The following NRCAM variants were observed in gnomAD, a reference collection of about 807,000 sequenced individuals.
The protein encoded by NRCAM is NgCAM-related cell adhesion molecule.
Under a neutral mutation model 156.5 loss-of-function variants are expected in NRCAM, and 83 were observed. That is an observed-to-expected ratio of 0.53 (90% CI 0.44 to 0.64). The LOEUF is 0.64. Among genes scored for constraint, NRCAM ranks in the 30% least tolerant of loss-of-function variants. The probability of loss-of-function intolerance (pLI) is 0.00; values close to 1 mark genes in which losing one functional copy is unlikely to be tolerated. For synonymous variants in NRCAM, 538 were observed against 563.9 expected, an observed-to-expected ratio of 0.95 and a Z score of 0.65; for missense variants, 1,417 against 1,597.3, an observed-to-expected ratio of 0.89 and a Z score of 1.92.
At chr7:108,153,206 T>A (rs1399920510) in intron 32 of NRCAM, among the ~76,000 whole-genome samples, 1 of 152,094 alleles carries the variant, frequency 6.6e-6, no homozygotes, top group Non-Finnish European at 1.5e-5. Context: ...AAACAAACCA[T>A]GACCAAACCA....
At chr7:108,445,478 G>A (rs1471105262) in intron 1 of NRCAM, among the ~76,000 whole-genome samples, 2 of 152,242 alleles carry the variant, frequency 1.3e-5, no homozygotes, top group African/African-American at 4.8e-5. Context: ...ACATACGTAT[G>A]CCTCAAGCAT....
chr7:108,299,853 C>T (rs978621208), intron 3 of NRCAM, among the ~76,000 whole-genome samples: 3 of 152,180 alleles, frequency 2.0e-5, no homozygotes, highest in Admixed American at 2.0e-4. Context: ...TGGAATTAGA[C>T]TGCCTTGGTT....
chr7:108,425,156 T>A (rs1815487563), intron 1 of NRCAM, among the ~76,000 whole-genome samples: 1 of 152,190 alleles, frequency 6.6e-6, no homozygotes, highest in Admixed American at 6.5e-5. Context: ...TCAGATTTTT[T>A]AAAAGATTAT....
rs1015776434 is a variant in NRCAM at position 108,148,087 on chromosome 7, A to G, written c.*1823T>C. The G allele has an allele frequency of 6.6e-6, 1 of 152,646 alleles. No homozygotes were observed. The highest frequency in any genetic ancestry group is 1.5e-5 in the Non-Finnish European group (1 of 68,042). 9.5% of individuals were successfully genotyped at this position (152,646 alleles called of 1,614,324 possible). On this transcript the variant is annotated 3_prime_UTR_variant, in exon 33 of 33. Transcript: ENST00000379028. ...ACTTTAAATTATGCTTTACCTACATATATCAAACATGCCAGGTTACTAGGC... is the reference window on the plus strand; with the variant it reads ...ACTTTAAATTATGCTTTACCTACATGTATCAAACATGCCAGGTTACTAGGC...
At chr7:108,298,233 C>T (rs2098491884) in intron 3 of NRCAM, among the ~76,000 whole-genome samples, 1 of 151,946 alleles carries the variant, frequency 6.6e-6, no homozygotes, top group Admixed American at 6.6e-5. Flanking sequence ...GTCTAGAAGG[C>T]ATTACTGAAA....
chr7:108,423,184 G>A (rs1436533688), intron 1 of NRCAM, among the ~76,000 whole-genome samples: 4 of 152,008 alleles, frequency 2.6e-5, no homozygotes, highest in African/African-American at 7.3e-5. Flanking sequence ...TGCATATATG[G>A]AATAATGAAA....
At chr7:108,436,362 A>C (rs923168826) in intron 1 of NRCAM, among the ~76,000 whole-genome samples, 2 of 152,234 alleles carry the variant, frequency 1.3e-5, no homozygotes, top group Non-Finnish European at 2.9e-5. Context: ...GATATTGATT[A>C]GATATTCTAA....
At chr7:108,420,523 G>C (rs2108255) in intron 1 of NRCAM, among the ~76,000 whole-genome samples, 8,822 of 152,166 alleles carry the variant, frequency 0.058, 834 homozygotes, top group African/African-American at 0.2. Context: ...CCTTTACAAG[G>C]GGGGGAGTTT....
chr7:108,384,342 A>G (rs1343104764), intron 2 of NRCAM, among the ~76,000 whole-genome samples: 1 of 152,150 alleles, frequency 6.6e-6, no homozygotes, highest in Non-Finnish European at 1.5e-5. Context: ...AACAAAAAAC[A>G]GGTTGGGGGT....
At chr7:108,440,365 T>C (rs1474100456) in intron 1 of NRCAM, among the ~76,000 whole-genome samples, 2 of 152,198 alleles carry the variant, frequency 1.3e-5, no homozygotes, top group African/African-American at 2.4e-5. Flanking sequence ...CATTTTTTAA[T>C]TTGGGTTACA....
chr7:108,269,603 A>G (rs572282921), intron 3 of NRCAM, among the ~76,000 whole-genome samples: 1 of 152,352 alleles, frequency 6.6e-6, no homozygotes, highest in East Asian at 1.9e-4. Context: ...ACACACTCGC[A>G]TATGATACAA....
At chr7:108,273,906 A>G (rs2154061360) in intron 3 of NRCAM, among the ~76,000 whole-genome samples, 1 of 152,304 alleles carries the variant, frequency 6.6e-6, no homozygotes, top group Non-Finnish European at 1.5e-5. Context: ...ATCCATCTTC[A>G]GTTAATTTTT....
At chr7:108,332,467 T>A (rs1272926635) in intron 2 of NRCAM, among the ~76,000 whole-genome samples, 2 of 152,196 alleles carry the variant, frequency 1.3e-5, no homozygotes, top group Non-Finnish European at 2.9e-5. Flanking sequence ...GGCTCACTGC[T>A]TCTCTTCCCT....
intron 3 of NRCAM, among the ~76,000 whole-genome samples, chr7:108,247,168 C>G (rs1007079271): frequency 1.4e-4 from 21 of 152,252 alleles, no homozygotes; most frequent in African/African-American, 5.1e-4. Context: ...TCCTGCCAAC[C>G]CTCAGGATTA....
chr7:108,198,214 A>G (rs1010166064), intron 13 of NRCAM, 115 bp from the exon 14 acceptor site: 3 of 716,272 alleles, frequency 4.2e-6, no homozygotes, highest in Admixed American at 6.8e-5. Context: ...TGCAGTAAGA[A>G]TAAGACTAGA....
chr7:108,185,784 T>G (rs2066394056), intron 20 of NRCAM, among the ~76,000 whole-genome samples: 1 of 147,532 alleles, frequency 6.8e-6, no homozygotes, highest in African/African-American at 2.5e-5. Context: ...TGAAATGGAA[T>G]GATTTCTAAA....
At chr7:108,390,810 C>G (rs1419757038) in intron 2 of NRCAM, among the ~76,000 whole-genome samples, 1 of 152,182 alleles carries the variant, frequency 6.6e-6, no homozygotes, top group Non-Finnish European at 1.5e-5. Context: ...ATCTTTATTT[C>G]TGTCTTCATT....
intron 32 of NRCAM, among the ~76,000 whole-genome samples, chr7:108,155,107 C>T (rs201922431): frequency 0.68 from 69,020 of 101,152 alleles, 22,612 homozygotes; most frequent in East Asian, 0.8. Flanking sequence ...TATATACACA[C>T]ACACACACAC....
At chr7:108,315,326 A>C (rs1369554564) in intron 2 of NRCAM, among the ~76,000 whole-genome samples, 1 of 151,820 alleles carries the variant, frequency 6.6e-6, no homozygotes, top group Non-Finnish European at 1.5e-5. Context: ...TTCCATTCAT[A>C]CTTAACTGGA....
Sources: allele counts gnomAD v4.1 joint callset (sites outside exome capture counted in the v4.1 genomes callset), GRCh38; gene constraint gnomAD v4.1.1; transcripts MANE v1.5; gene names NCBI Gene and HGNC (gene_info 2026-07-23, HGNC 2026-07-21).